The following YWHAQ variants were observed in gnomAD, a reference collection of about 807,000 sequenced individuals.
The protein encoded by YWHAQ is tyrosine 3-monooxygenase/tryptophan 5-monooxygenase activation protein theta.
YWHAQ carries 6 observed loss-of-function variants against 28.3 expected under a neutral mutation model. That is an observed-to-expected ratio of 0.21 (90% CI 0.12 to 0.42). The LOEUF is 0.42. Among genes scored for constraint, YWHAQ ranks in the 10% least tolerant of loss-of-function variants. YWHAQ has a pLI of 1.00. For missense variants in YWHAQ, 201 were observed against 305.6 expected, an observed-to-expected ratio of 0.66 and a Z score of 2.55; for synonymous variants, 143 against 119.1, an observed-to-expected ratio of 1.20 and a Z score of -1.31.
At chr2:9,608,550 GCA>G (rs1344341299) in intron 2 of YWHAQ, among the ~76,000 whole-genome samples, 1 of 152,184 alleles carries the variant, frequency 6.6e-6, no homozygotes, top group Non-Finnish European at 1.5e-5. Flanking sequence ...ATGGGCTGGA[GCA>G]CAGTGTGCCC....
intron 2 of YWHAQ, among the ~76,000 whole-genome samples, chr2:9,609,517 T>C (rs1406894327): frequency 6.6e-6 from 1 of 152,076 alleles, no homozygotes; most frequent in Non-Finnish European, 1.5e-5. Flanking sequence ...TCTGGGATAA[T>C]GGCCGAGACT....
chr2:9,618,671 T>C (rs1251640823), intron 2 of YWHAQ, among the ~76,000 whole-genome samples: 7 of 148,816 alleles, frequency 4.7e-5, no homozygotes, highest in African/African-American at 1.5e-4. Context: ...AGCCACTGTT[T>C]TGATTTTTTT....
intron 5 of YWHAQ, among the ~76,000 whole-genome samples, chr2:9,585,912 C>CAA (rs34640890): frequency 2.8e-4 from 34 of 122,130 alleles, no homozygotes; most frequent in East Asian, 2.0e-3. Context: ...GATCCTTTCT[C>CAA]AAAAAAAAAA....
At chr2:9,592,273 A>G (rs1666471618) in intron 2 of YWHAQ, among the ~76,000 whole-genome samples, 1 of 152,140 alleles carries the variant, frequency 6.6e-6, no homozygotes, top group African/African-American at 2.4e-5. Flanking sequence ...TTTTTTAAAA[A>G]AGTTCTTGAG....
chr2:9,622,575 C>T (rs1667162754), intron 2 of YWHAQ, among the ~76,000 whole-genome samples: 1 of 152,120 alleles, frequency 6.6e-6, no homozygotes. Context: ...GCGTAAACAC[C>T]TAAGAGTGGA....
At chr2:9,607,828 CA>C (rs1666863475) in intron 2 of YWHAQ, among the ~76,000 whole-genome samples, 1 of 151,220 alleles carries the variant, frequency 6.6e-6, no homozygotes, top group Admixed American at 6.6e-5. Flanking sequence ...TCTCCTGCCT[CA>C]GCCTCCCAAG....
intron 2 of YWHAQ, among the ~76,000 whole-genome samples, chr2:9,621,703 C>T (rs1667145830): frequency 6.6e-6 from 1 of 152,068 alleles, no homozygotes; most frequent in South Asian, 2.1e-4. Flanking sequence ...CTAAAGAATA[C>T]AATTATCCAT....
At chr2:9,598,200 G>C (rs1276634794) in intron 2 of YWHAQ, among the ~76,000 whole-genome samples, 1 of 152,036 alleles carries the variant, frequency 6.6e-6, no homozygotes, top group Admixed American at 6.6e-5. Context: ...CCACACAGAA[G>C]ACATCAGTCA....
intron 5 of YWHAQ, among the ~76,000 whole-genome samples, chr2:9,586,680 T>G (rs1666349294): frequency 6.6e-6 from 1 of 152,186 alleles, no homozygotes; most frequent in African/African-American, 2.4e-5. Context: ...CAAAATTGAA[T>G]AGACATGGTG....
intron 3 of YWHAQ, among the ~76,000 whole-genome samples, chr2:9,589,688 G>C (rs890757236): frequency 6.6e-6 from 1 of 152,122 alleles, no homozygotes; most frequent in Non-Finnish European, 1.5e-5. Context: ...CTGATTTGCA[G>C]AAATACTGAT....
chr2:9,625,316 T>C (rs563900981), intron 2 of YWHAQ, among the ~76,000 whole-genome samples: 67 of 150,938 alleles, frequency 4.4e-4, no homozygotes, highest in African/African-American at 1.5e-3. Context: ...CAGCCTACAA[T>C]CTAAGGGCAA....
chr2:9,595,424 G>A (rs1273536657), intron 2 of YWHAQ, among the ~76,000 whole-genome samples: 1 of 152,158 alleles, frequency 6.6e-6, no homozygotes, highest in Non-Finnish European at 1.5e-5. Flanking sequence ...AGGAGCGAGG[G>A]CCAGGTGCCG....
chr2:9,618,325 A>C (rs1667074647), intron 2 of YWHAQ, among the ~76,000 whole-genome samples: 1 of 152,252 alleles, frequency 6.6e-6, no homozygotes, highest in Non-Finnish European at 1.5e-5. Flanking sequence ...AAAACAAGAT[A>C]GCTTCTCTAA....
chr2:9,591,396 T>C lies in YWHAQ; in HGVS notation c.414A>G (p.Arg138=). ...YLAEVACGDD[R]KQTIDNSQGA... ...CCATATAACAAATAAACTTACGTTT[T>C]CGATCATCACCACACGCAACTTCAG... Residue 138 remains arginine (R), a synonymous_variant, in exon 3 of 6, where the codon CGA becomes CGG. Coordinates refer to ENST00000238081, the MANE Select transcript of YWHAQ (RefSeq NM_006826.4). The C allele has an allele frequency of 6.2e-7, 1 of 1,610,158 alleles. No homozygotes were observed.
Position 9,630,554 on chromosome 2 carries a change from C to A in YWHAQ, c.-82-20G>T. On this transcript the variant is annotated intron_variant, in intron 1 of 5. Transcript: ENST00000238081. The surrounding 1 kb of genome is among the most constrained non-coding windows in gnomAD (Gnocchi z 5.6). Reference sequence around the variant, plus strand: ...CGAGAGCTGCGGAGGGGCGGGGCGGCGAGGCGAGAACAAAAAGCAGAGAGG... The same window carrying A: ...CGAGAGCTGCGGAGGGGCGGGGCGGAGAGGCGAGAACAAAAAGCAGAGAGG... 3 of 1,214,606 alleles carry A rather than the reference C, an allele frequency of 2.5e-6. No homozygotes were observed. The South Asian group carries it at 4.8e-5, about 19-fold the overall frequency. The allele number at this position is 1,214,606 out of a possible 1,614,324, so 75.2% of individuals were successfully genotyped here. A position where few individuals can be genotyped will look rare whatever the true frequency, so the allele number is the denominator to read the frequency against.
At chr2:9,623,711 G>T (rs1487066606) in intron 2 of YWHAQ, among the ~76,000 whole-genome samples, 1 of 152,170 alleles carries the variant, frequency 6.6e-6, no homozygotes, top group Non-Finnish European at 1.5e-5. Flanking sequence ...GGCAGAGGTT[G>T]AGGTGAACCA....
At chr2:9,599,895 G>T (rs1037195065) in intron 2 of YWHAQ, among the ~76,000 whole-genome samples, 1 of 152,144 alleles carries the variant, frequency 6.6e-6, no homozygotes, top group Non-Finnish European at 1.5e-5. Flanking sequence ...CATAGACAGT[G>T]GTTCTTCTGA....
At chr2:9,621,338 C>T (rs933892211) in intron 2 of YWHAQ, among the ~76,000 whole-genome samples, 3 of 152,022 alleles carry the variant, frequency 2.0e-5, no homozygotes, top group South Asian at 4.1e-4. Context: ...GGATCAATAC[C>T]GTTCTATACA....
chr2:9,623,813 A>T (rs757256483), intron 2 of YWHAQ, among the ~76,000 whole-genome samples: 7 of 152,104 alleles, frequency 4.6e-5, no homozygotes, highest in Non-Finnish European at 8.8e-5. Context: ...AAATTTAAAA[A>T]GTCTGAACCA....
Sources: gnomAD v4.1 joint callset for allele counts (sites outside exome capture counted in the v4.1 genomes callset) on GRCh38, gnomAD v4.1.1 for gene constraint, Gnocchi (gnomAD v3.1) non-coding constraint, MANE v1.5 for transcripts, NCBI Gene and HGNC (gene_info 2026-07-23, HGNC 2026-07-21) for gene names.